The following FAM221A variants were observed in gnomAD, a reference collection of about 807,000 sequenced individuals.
FAM221A encodes the protein protein FAM221A.
In FAM221A, 43 loss-of-function variants were observed where a neutral mutation model predicts 37.6. That is an observed-to-expected ratio of 1.15 (90% CI 0.90 to 1.48). The LOEUF (loss-of-function observed/expected upper bound fraction) is 1.48. Ranked by LOEUF, FAM221A falls within the 40% of genes most tolerant of loss-of-function variation. The pLI is 0.00. For synonymous variants in FAM221A, 135 were observed against 132.9 expected (o/e 1.02, Z -0.11); for missense variants, 361 against 361.5 (o/e 1.00, Z 0.01).
chr7:23,684,747 T>C, intron 2 of FAM221A, 75 bp downstream of exon 2: 1 of 1,282,044 alleles, frequency 7.8e-7, no homozygotes, highest in Non-Finnish European at 1.1e-6. Flanking sequence ...CTACAAATCG[T>C]AATGATTGAG....
At position 23,698,273 on chromosome 7, in the gene FAM221A, G is replaced by T. The variant is rs141261638; in HGVS notation, c.719G>T (p.Ser240Ile). ...PFLKAFQASS[S>I]SSPETLTDVG... ...CTAAAAGCATTTCAAGCATCATCTA[G>T]TTCTTCTCCAGAAACGTTAACAGAT... Residue 240 changes from serine (S) to isoleucine (I), a missense_variant, in exon 5 of 7, where the codon AGT becomes ATT. Physicochemically the swap from Ser to Ile is moderately radical, Grantham distance 142. Coordinates refer to ENST00000344962, the MANE Select transcript of FAM221A (RefSeq NM_199136.5). 26 of 1,581,312 alleles carry T rather than the reference G, an allele frequency of 1.6e-5. No homozygotes were observed. In the African/African-American group the frequency reaches 3.5e-4, roughly 22 times the overall value.
At position 23,689,401 on chromosome 7, in the gene FAM221A, C is replaced by T. The variant is rs142130918; in HGVS notation, c.372C>T (p.Cys124=). 1.2e-6 allele frequency: 2 copies of T among 1,606,554 alleles called. No homozygotes were observed. Among genetic ancestry groups the T allele is most frequent in the Non-Finnish European group, 1.7e-6 (2 of 1,174,360 alleles). Residue 124 remains cysteine, a synonymous_variant, in exon 3 of 7, where the codon TGC becomes TGT. Coordinates refer to ENST00000344962, the MANE Select transcript of FAM221A (RefSeq NM_199136.5). ...VPLNGSQPIR[C]RCKHFADQHS... is the part of the protein sequence containing the mutation. ...TGAATGGTAGCCAGCCCATTCGCTGCAGGTGCAAACACTTTGCTGATCAGC... is the reference window on the plus strand; with the variant it reads ...TGAATGGTAGCCAGCCCATTCGCTGTAGGTGCAAACACTTTGCTGATCAGC...
At chr7:23,685,527 T>C (rs115813466) in intron 2 of FAM221A, among the ~76,000 whole-genome samples, 1,698 of 152,284 alleles carry the variant, frequency 0.011, 26 homozygotes, top group African/African-American at 0.039. Flanking sequence ...GGTCATCAGA[T>C]TGAGGAACTA....
intron 3 of FAM221A, among the ~76,000 whole-genome samples, chr7:23,690,199 A>ATATATATATATATTT (rs774313037): frequency 1.2e-3 from 60 of 48,714 alleles, no homozygotes; most frequent in Non-Finnish European, 1.6e-3. Context: ...ATATATATAT[A>ATATATATATATATTT]TTTTTTTTTT....
chr7:23,681,647 A>C (rs929376334), intron 1 of FAM221A, among the ~76,000 whole-genome samples: 7 of 152,174 alleles, frequency 4.6e-5, no homozygotes, highest in Non-Finnish European at 1.0e-4. Flanking sequence ...GACTCAAGCT[A>C]TCCACCTGCC....
rs370705342 is a variant in FAM221A, at chr7:23,689,592, C to G, written c.430+133C>G. On this transcript the variant is annotated intron_variant, in intron 3 of 6. Transcript: ENST00000344962. The stretch of plus-strand genomic sequence containing the variant: ...TTGTAGAGTTAATATTCAGTTATGG[C>G]GTTAATATTAAACAACTAAGTAGAA... 772 of 605,780 alleles carry G rather than the reference C, an allele frequency of 1.3e-3. 9 individuals are homozygous for G. In the South Asian group the frequency reaches 0.02, roughly 15 times the overall value. The allele number at this position is 605,780 out of a possible 1,614,324, so 37.5% of individuals were successfully genotyped here.
chr7:23,695,036 T>C (rs1784969519), intron 4 of FAM221A: 1 of 152,192 alleles, frequency 6.6e-6, no homozygotes, highest in African/African-American at 2.4e-5. Flanking sequence ...GTAGTATGAT[T>C]ATAGCTCACC....
At chr7:23,685,031 C>T (rs1254690024) in intron 2 of FAM221A, among the ~76,000 whole-genome samples, 3 of 152,090 alleles carry the variant, frequency 2.0e-5, no homozygotes, top group African/African-American at 4.8e-5. Flanking sequence ...GGGTGGATCA[C>T]GAGGTCAGGA....
intron 4 of FAM221A, among the ~76,000 whole-genome samples, chr7:23,696,279 C>T (rs1264798599): frequency 4.6e-5 from 7 of 152,136 alleles, no homozygotes; most frequent in African/African-American, 1.7e-4. Context: ...ATAAAATGGG[C>T]CGTGTGCAGT....
At chr7:23,690,192 TATATA>T (rs1403030859) in intron 3 of FAM221A, among the ~76,000 whole-genome samples, 688 of 56,362 alleles carry the variant, frequency 0.012, 8 homozygotes, top group Middle Eastern at 0.035. Context: ...TATATATATA[TATATA>T]TATTTTTTTT....
intron 2 of FAM221A, chr7:23,686,414 C>A: frequency 3.3e-6 from 1 of 307,002 alleles, no homozygotes. Context: ...CAGGCGTCTG[C>A]CACCACATCC....
intron 6 of FAM221A, among the ~76,000 whole-genome samples, chr7:23,701,559 T>A (rs1312902752): frequency 6.6e-6 from 1 of 152,166 alleles, no homozygotes; most frequent in Non-Finnish European, 1.5e-5. Context: ...ATTCTTAATA[T>A]GTATTATTTA....
intron 4 of FAM221A, chr7:23,692,233 C>A: frequency 2.1e-6 from 2 of 936,792 alleles, no homozygotes; most frequent in Non-Finnish European, 2.5e-6. Context: ...AGAATGTGTT[C>A]CCTGTCTACT....
chr7:23,694,924 C>G (rs544286729), intron 4 of FAM221A: 1 of 152,192 alleles, frequency 6.6e-6, no homozygotes, highest in Admixed American at 6.5e-5. Context: ...GTATTATAAA[C>G]TCTGTTATTT....
intron 2 of FAM221A, chr7:23,686,724 A>G (rs1584257289): frequency 6.6e-6 from 1 of 152,030 alleles, no homozygotes; most frequent in South Asian, 2.1e-4. Context: ...TATACAATAT[A>G]TAGAAGCAGC....
intron 4 of FAM221A, chr7:23,693,487 A>G (rs1307582989): frequency 2.7e-5 from 4 of 147,428 alleles, no homozygotes; most frequent in Non-Finnish European, 6.0e-5. Flanking sequence ...TTTTGTTTTT[A>G]TCTTTTGTCA....
intron 1 of FAM221A, among the ~76,000 whole-genome samples, chr7:23,684,080 A>T (rs548581097): frequency 2.0e-5 from 3 of 151,484 alleles, no homozygotes; most frequent in Admixed American, 1.3e-4. Context: ...CTCCTGCTGA[A>T]TCATGGAGGT....
intron 2 of FAM221A, 78 bp from the exon 3 acceptor site, chr7:23,689,191 C>T: frequency 4.3e-6 from 4 of 934,040 alleles, no homozygotes; most frequent in Non-Finnish European, 6.2e-6. Flanking sequence ...ATCATATCTG[C>T]CTTTAATATA....
intron 4 of FAM221A, chr7:23,692,434 C>G: frequency 4.7e-6 from 1 of 210,988 alleles, no homozygotes; most frequent in East Asian, 1.8e-4. Flanking sequence ...CTCCGCCTCC[C>G]GGGTTCAAGC....
Sources: allele counts gnomAD v4.1 joint callset (sites outside exome capture counted in the v4.1 genomes callset), GRCh38; gene constraint gnomAD v4.1.1; transcripts MANE v1.5; gene names NCBI Gene and HGNC (gene_info 2026-07-23, HGNC 2026-07-21).